Variants in LRRTM4 observed in about 807,000 individuals in gnomAD.
LRRTM4 encodes the protein leucine rich repeat transmembrane neuronal 4.
LRRTM4 carries 25 observed loss-of-function variants against 47.6 expected under a neutral mutation model. The ratio of observed to expected loss-of-function variants is 0.53; its 90% CI spans 0.38 to 0.73. LRRTM4 has a LOEUF of 0.73. Among genes scored for constraint, LRRTM4 ranks in the 30% least tolerant of loss-of-function variants. LRRTM4 has a pLI of 0.00. For synonymous variants in LRRTM4, 311 were observed against 269.5 expected (o/e 1.15, Z -1.51); for missense variants, 638 against 713.4 (o/e 0.89, Z 1.20).
intron 3 of LRRTM4, among the ~76,000 whole-genome samples, chr2:77,233,586 T>C (rs930071754): frequency 6.6e-6 from 1 of 152,230 alleles, no homozygotes; most frequent in African/African-American, 2.4e-5. Context: ...TTTCTATATC[T>C]CAATTTATTT....
At chr2:77,220,652 AG>A (rs748615578) in intron 3 of LRRTM4, among the ~76,000 whole-genome samples, 17 of 152,220 alleles carry the variant, frequency 1.1e-4, no homozygotes, top group Non-Finnish European at 1.9e-4. Flanking sequence ...TGAAGTTTAG[AG>A]AAAAAAGAAT....
At chr2:77,057,261 A>G (rs544573756) in intron 3 of LRRTM4, among the ~76,000 whole-genome samples, 16 of 152,352 alleles carry the variant, frequency 1.1e-4, no homozygotes, top group African/African-American at 3.8e-4. Context: ...AACATAGGAT[A>G]AAGTTTAGAT....
At chr2:76,780,255 C>T (rs970476635) in intron 3 of LRRTM4, among the ~76,000 whole-genome samples, 30 of 152,198 alleles carry the variant, frequency 2.0e-4, no homozygotes, top group South Asian at 8.3e-4. Context: ...TTGCTCTTCT[C>T]GAGGAGTATC....
intron 3 of LRRTM4, among the ~76,000 whole-genome samples, chr2:77,386,426 T>C (rs762411179): frequency 4.6e-5 from 7 of 152,192 alleles, no homozygotes; most frequent in Non-Finnish European, 8.8e-5. Flanking sequence ...GCTTCATCCA[T>C]ATCCCTGCAA....
intron 3 of LRRTM4, among the ~76,000 whole-genome samples, chr2:76,885,901 G>C (rs6740873): frequency 0.064 from 9,689 of 152,066 alleles, 702 homozygotes; most frequent in African/African-American, 0.17. Context: ...AAAAAGACAT[G>C]AATCTTTTCA....
intron 3 of LRRTM4, among the ~76,000 whole-genome samples, chr2:76,871,919 T>G (rs1334464096): frequency 6.6e-6 from 1 of 152,144 alleles, no homozygotes; most frequent in African/African-American, 2.4e-5. Flanking sequence ...CCAACTTAAG[T>G]GAGCTTGAAA....
intron 3 of LRRTM4, among the ~76,000 whole-genome samples, chr2:77,143,214 T>C (rs1293479143): frequency 6.6e-6 from 1 of 152,194 alleles, no homozygotes; most frequent in African/African-American, 2.4e-5. Context: ...AGATCCAGAA[T>C]TCATATCCAG....
chr2:76,824,451 T>G (rs1671137308), intron 3 of LRRTM4, among the ~76,000 whole-genome samples: 1 of 151,702 alleles, frequency 6.6e-6, no homozygotes, highest in Non-Finnish European at 1.5e-5. Flanking sequence ...ATTTAATAAA[T>G]TCTTATTTTG....
intron 3 of LRRTM4, among the ~76,000 whole-genome samples, chr2:77,176,544 C>T (rs1673202980): frequency 6.6e-6 from 1 of 152,060 alleles, no homozygotes; most frequent in South Asian, 2.1e-4. Context: ...CCTGACAATT[C>T]CTCTGGAAAT....
chr2:77,016,360 G>C (rs1678067535), intron 3 of LRRTM4, among the ~76,000 whole-genome samples: 1 of 149,794 alleles, frequency 6.7e-6, no homozygotes, highest in Admixed American at 6.6e-5. Context: ...TGTCCAGCCT[G>C]GCGACAGAGG....
At chr2:76,807,443 T>TATAC (rs1340328428) in intron 3 of LRRTM4, among the ~76,000 whole-genome samples, 29 of 99,486 alleles carry the variant, frequency 2.9e-4, no homozygotes, top group East Asian at 1.0e-3. Flanking sequence ...TATACGTATA[T>TATAC]ACATATATAT....
At chr2:77,411,451 CTTTTTT>C (rs138496739) in intron 3 of LRRTM4, among the ~76,000 whole-genome samples, 6 of 116,026 alleles carry the variant, frequency 5.2e-5, no homozygotes, top group African/African-American at 3.2e-5. Context: ...TCTCTTTCTT[CTTTTTT>C]TTTTTTTTTT....
At chr2:77,487,400 G>A (rs980158150) in intron 3 of LRRTM4, among the ~76,000 whole-genome samples, 1 of 152,228 alleles carries the variant, frequency 6.6e-6, no homozygotes, top group Non-Finnish European at 1.5e-5. Flanking sequence ...GCACTGTCAT[G>A]ATCCGGCTGG....
At chr2:77,205,578 A>G (rs140465414) in intron 3 of LRRTM4, among the ~76,000 whole-genome samples, 1 of 152,172 alleles carries the variant, frequency 6.6e-6, no homozygotes, top group Non-Finnish European at 1.5e-5. Flanking sequence ...CGGAGGCCAG[A>G]GCACAAAGAG....
chr2:76,925,159 G>A (rs1240941033), intron 3 of LRRTM4, among the ~76,000 whole-genome samples: 2 of 152,152 alleles, frequency 1.3e-5, no homozygotes, highest in South Asian at 2.1e-4. Flanking sequence ...ATTATTCTGA[G>A]TGGGCTTTAC....
chr2:76,928,128 A>T (rs1437285008), intron 3 of LRRTM4, among the ~76,000 whole-genome samples: 4 of 152,192 alleles, frequency 2.6e-5, no homozygotes, highest in Non-Finnish European at 5.9e-5. Flanking sequence ...TGTTGAATTT[A>T]ACAGAAGGAC....
chr2:77,092,845 C>T (rs547608889), intron 3 of LRRTM4, among the ~76,000 whole-genome samples: 4 of 143,416 alleles, frequency 2.8e-5, no homozygotes, highest in Non-Finnish European at 5.9e-5. Context: ...TCAGCGAAAC[C>T]TTTATATCCC....
chr2:76,921,515 G>A (rs990135290), intron 3 of LRRTM4, among the ~76,000 whole-genome samples: 3 of 151,804 alleles, frequency 2.0e-5, no homozygotes, highest in Non-Finnish European at 2.9e-5. Flanking sequence ...CAAGATTTGA[G>A]GAACTAAGCC....
rs373706175 is a variant in LRRTM4 at position 77,209,111 on chromosome 2, G to A, written c.1551+309207C>T. Among the ~76,000 whole-genome samples, 325 of 152,050 alleles carry A rather than the reference G, an allele frequency of 2.1e-3. 1 individual carries two copies. The highest frequency in any genetic ancestry group is 7.4e-3 in the African/African-American group (307 of 41,470). ...CATGGCTCCCTCCATTCCAATTTCC[G>A]AGAGGACTTAAGTAATTAAGACTTT... On this transcript the variant is annotated intron_variant, in intron 3 of 3. Transcript: ENST00000409884.
Sources: gnomAD v4.1 joint callset for allele counts (sites outside exome capture counted in the v4.1 genomes callset) on GRCh38, gnomAD v4.1.1 for gene constraint, MANE v1.5 for transcripts, NCBI Gene and HGNC (gene_info 2026-07-23, HGNC 2026-07-21) for gene names.